The following RNF125 variants were observed in gnomAD, a reference collection of about 807,000 sequenced individuals.
The protein encoded by RNF125 is ring finger protein 125.
RNF125 carries 21 observed loss-of-function variants against 26.0 expected under a neutral mutation model. The ratio of observed to expected loss-of-function variants is 0.81; its 90% confidence interval spans 0.57 to 1.16. RNF125 has a LOEUF of 1.16. RNF125 is among the 50% of genes most tolerant of loss of function. The pLI is 0.00. For synonymous variants in RNF125, 95 were observed against 109.2 expected, an observed-to-expected ratio of 0.87 and a Z score of 0.81; for missense variants, 270 against 299.4, an observed-to-expected ratio of 0.90 and a Z score of 0.72.
At chr18:32,034,364 C>CATA (rs2039130077) in intron 1 of RNF125, among the ~76,000 whole-genome samples, 1 of 152,168 alleles carries the variant, frequency 6.6e-6, no homozygotes, top group South Asian at 2.1e-4. Context: ...TGCAGCGGGA[C>CATA]ATAAGCCCTG....
At chr18:32,086,119 C>T in the RNF125 span, among the ~76,000 whole-genome samples, 1 of 152,168 alleles carries the variant, frequency 6.6e-6, no homozygotes, top group African/African-American at 2.4e-5. Context: ...AGCACATTGG[C>T]TTTTCTTTTC....
intron 2 of RNF125, among the ~76,000 whole-genome samples, chr18:32,039,270 G>A (rs1199084475): frequency 6.6e-6 from 1 of 151,766 alleles, no homozygotes; most frequent in Non-Finnish European, 1.5e-5. Context: ...AGTGGTATAC[G>A]CCTGTAGTCC....
intron 4 of RNF125, among the ~76,000 whole-genome samples, chr18:32,062,756 G>A (rs1446242252): frequency 1.3e-5 from 2 of 152,058 alleles, no homozygotes; most frequent in African/African-American, 4.8e-5. Flanking sequence ...TTACAGCTGA[G>A]TAAATTCAAG....
intron 4 of RNF125, among the ~76,000 whole-genome samples, chr18:32,062,311 T>C (rs1306203966): frequency 3.3e-5 from 5 of 152,206 alleles, no homozygotes; most frequent in Non-Finnish European, 7.3e-5. Context: ...AGCAGGTTCC[T>C]TCTCCCACAC....
chr18:32,088,742 T>C, the RNF125 span, among the ~76,000 whole-genome samples: 26 of 152,292 alleles, frequency 1.7e-4, no homozygotes, highest in African/African-American at 6.3e-4. Flanking sequence ...TCAAGTGATC[T>C]GCCTGCCTCG....
intron 4 of RNF125, among the ~76,000 whole-genome samples, chr18:32,054,592 T>C (rs559792714): frequency 1.3e-5 from 2 of 152,232 alleles, no homozygotes; most frequent in African/African-American, 2.4e-5. Context: ...AGTTATATCA[T>C]TGAAAAAGAA....
the RNF125 span, among the ~76,000 whole-genome samples, chr18:32,089,539 A>C: frequency 6.6e-6 from 1 of 152,232 alleles, no homozygotes; most frequent in Non-Finnish European, 1.5e-5. Flanking sequence ...TATTTTGAGT[A>C]AATCTATGAC....
At chr18:32,050,865 CT>C (rs531751585) in intron 4 of RNF125, among the ~76,000 whole-genome samples, 915 of 46,122 alleles carry the variant, frequency 0.02, 57 homozygotes, top group African/African-American at 0.025. Flanking sequence ...GTCTAGAGTG[CT>C]TTTTTTTTTT....
At chr18:32,019,623 C>A (rs188751762) in intron 1 of RNF125, among the ~76,000 whole-genome samples, 25 of 152,116 alleles carry the variant, frequency 1.6e-4, no homozygotes, top group Admixed American at 1.6e-3. Context: ...ACACAGACAC[C>A]CAGCCCCTCA....
chr18:32,077,334 ATTTTT>A (rs552701343), downstream of RNF125, among the ~76,000 whole-genome samples: 5 of 107,880 alleles, frequency 4.6e-5, no homozygotes, highest in African/African-American at 1.7e-4. Flanking sequence ...CCCTCTCCCC[ATTTTT>A]TTTTTTTTTT....
At chr18:32,074,426 G>T (rs994142771), downstream of RNF125, among the ~76,000 whole-genome samples, 1 of 152,192 alleles carries the variant, frequency 6.6e-6, no homozygotes, top group South Asian at 2.1e-4. Context: ...AAGACAGGAA[G>T]TACACAGGGT....
chr18:32,029,489 G>T (rs1315025040), intron 1 of RNF125, among the ~76,000 whole-genome samples: 1 of 151,668 alleles, frequency 6.6e-6, no homozygotes, highest in Non-Finnish European at 1.5e-5. Flanking sequence ...AGCTGGGCAT[G>T]GTGGGGCATG....
chr18:32,040,139 TC>T (rs1010645745), intron 2 of RNF125, among the ~76,000 whole-genome samples: 1 of 152,010 alleles, frequency 6.6e-6, no homozygotes, highest in Non-Finnish European at 1.5e-5. Flanking sequence ...CTAGGAATGC[TC>T]CCCATTCCTT....
At chr18:32,074,092 C>G (rs1355001703), downstream of RNF125, among the ~76,000 whole-genome samples, 1 of 152,156 alleles carries the variant, frequency 6.6e-6, no homozygotes, top group Non-Finnish European at 1.5e-5. Flanking sequence ...GGTACAATTA[C>G]AAGTCCCAAA....
At chr18:32,050,887 TTTTTTTTTTTTTG>T (rs1476127471) in intron 4 of RNF125, among the ~76,000 whole-genome samples, 2 of 128,552 alleles carry the variant, frequency 1.6e-5, no homozygotes, top group African/African-American at 3.1e-5. Flanking sequence ...TTTTTTTTTT[TTTTTTTTTTTTTG>T]AAGAGACGGT....
At chr18:32,026,825 C>CT (rs1301940690) in intron 1 of RNF125, among the ~76,000 whole-genome samples, 1 of 152,306 alleles carries the variant, frequency 6.6e-6, no homozygotes, top group East Asian at 1.9e-4. Context: ...CCAAGAAGCT[C>CT]TTGATGGCTT....
At chr18:32,038,002 C>A (rs1036785063) in intron 2 of RNF125, among the ~76,000 whole-genome samples, 2 of 151,122 alleles carry the variant, frequency 1.3e-5, no homozygotes, top group Non-Finnish European at 2.9e-5. Flanking sequence ...TTTTGCTCTT[C>A]ACAAGAAACC....
At chr18:32,052,378 G>T (rs189168456) in intron 4 of RNF125, among the ~76,000 whole-genome samples, 3 of 151,534 alleles carry the variant, frequency 2.0e-5, no homozygotes, top group Admixed American at 1.3e-4. Flanking sequence ...CTGTAGTCCC[G>T]GCTGCTCAGG....
intron 5 of RNF125, among the ~76,000 whole-genome samples, chr18:32,067,764 C>T (rs182408746): frequency 1.6e-3 from 241 of 152,120 alleles, no homozygotes; most frequent in Non-Finnish European, 2.5e-3. Flanking sequence ...TTTGTTATTG[C>T]GGAAGAGGAG....
Sources: gnomAD v4.1 joint callset for allele counts (sites outside exome capture counted in the v4.1 genomes callset) on GRCh38, gnomAD v4.1.1 for gene constraint, MANE v1.5 for transcripts, NCBI Gene and HGNC (gene_info 2026-07-23, HGNC 2026-07-21) for gene names.